The following PSIP1 variants were observed in gnomAD, a reference collection of about 807,000 sequenced individuals.
PSIP1 encodes PC4 and SFRS1-interacting protein.
In PSIP1, 19 loss-of-function variants were observed where a neutral mutation model predicts 74.7. The ratio of observed to expected loss-of-function variants is 0.25; its 90% CI spans 0.18 to 0.37. The LOEUF (loss-of-function observed/expected upper bound fraction) is 0.37. PSIP1 is among the 10% of genes least tolerant of loss of function. The pLI, the probability that PSIP1 is intolerant of heterozygous loss-of-function variation, is 1.00. For missense variants in PSIP1, 601 were observed against 614.3 expected (o/e 0.98, Z 0.23); for synonymous variants, 222 against 195.3 (o/e 1.14, Z -1.14).
At chr9:15,471,395 A>G in intron 10 of PSIP1, 6 of 1,511,906 alleles carry the variant, frequency 4.0e-6, no homozygotes, top group Non-Finnish European at 5.4e-6. Context: ...ATTGGAGGAC[A>G]TTCAAAAGAA....
chr9:15,477,740 G>C (rs1309535866), intron 8 of PSIP1, among the ~76,000 whole-genome samples: 1 of 151,804 alleles, frequency 6.6e-6, no homozygotes, highest in South Asian at 2.1e-4. Flanking sequence ...ACAATTTCCT[G>C]GATAACTGAA....
At chr9:15,507,650 A>C (rs2037657656) in intron 2 of PSIP1, among the ~76,000 whole-genome samples, 2 of 151,318 alleles carry the variant, frequency 1.3e-5, no homozygotes, top group African/African-American at 4.9e-5. Context: ...AAAAAAACAA[A>C]AAAAAAGAAT....
rs371759432 is a variant in PSIP1, at chr9:15,468,675, G to C, written c.1375C>G (p.Gln459Glu). Residue 459 changes from glutamine (Q) to glutamate (E), a missense_variant, in exon 14 of 16, where the codon CAA (glutamine) becomes GAA (glutamate). Physicochemically the swap from Gln to Glu is conservative, Grantham distance 29 (BLOSUM62 2). This residue lies in a region of PSIP1 where 538 missense variants were observed against 507.6 expected (regional missense o/e 1.06). Coordinates refer to ENST00000380733, the MANE Select transcript of PSIP1 (RefSeq NM_033222.5). The part of the protein sequence containing the change: ...QHEEANKTKD[Q>E]GKKGPNKKLE... ...TTTTTGTTTGGCCCTTTCTTCCCTT[G>C]ATCTTTGGTTTTATTCGCTTCCTCA... is the stretch of plus-strand genomic sequence containing the variant. The C allele has an allele frequency of 3.2e-5, 52 of 1,613,892 alleles. No individual in the cohort carries two copies. The highest frequency in any genetic ancestry group is 4.2e-5 in the Non-Finnish European group (49 of 1,179,994).
chr9:15,473,533 TAAAC>T (rs1228461649), intron 9 of PSIP1, among the ~76,000 whole-genome samples: 1 of 152,108 alleles, frequency 6.6e-6, no homozygotes, highest in South Asian at 2.1e-4. Context: ...TTCAAAAAGG[TAAAC>T]AAATTCATTT....
intron 3 of PSIP1, among the ~76,000 whole-genome samples, chr9:15,493,887 G>C (rs2036951822): frequency 1.3e-5 from 2 of 152,130 alleles, no homozygotes; most frequent in Non-Finnish European, 1.5e-5. Context: ...TGGGGACACA[G>C]AGCCAAACCA....
chr9:15,501,439 A>G (rs2037339045), intron 3 of PSIP1, among the ~76,000 whole-genome samples: 1 of 152,094 alleles, frequency 6.6e-6, no homozygotes. Flanking sequence ...GAAAATAAAC[A>G]CGAGGAGGAG....
intron 15 of PSIP1, among the ~76,000 whole-genome samples, chr9:15,466,190 C>T (rs2035613030): frequency 6.6e-6 from 1 of 152,172 alleles, no homozygotes; most frequent in Non-Finnish European, 1.5e-5. Flanking sequence ...CCGGGCTGGC[C>T]AACATGGTGA....
At chr9:15,482,421 C>T (rs957482593) in intron 6 of PSIP1, among the ~76,000 whole-genome samples, 2 of 152,178 alleles carry the variant, frequency 1.3e-5, no homozygotes, top group African/African-American at 2.4e-5. Flanking sequence ...TTCTTCCCGA[C>T]TTGTACCACA....
At chr9:15,500,959 CTT>C (rs1231643540) in intron 3 of PSIP1, among the ~76,000 whole-genome samples, 1 of 152,144 alleles carries the variant, frequency 6.6e-6, no homozygotes, top group Non-Finnish European at 1.5e-5. Context: ...CCCCACAACT[CTT>C]GTTCCCAAAA....
At chr9:15,487,005 ATT>A in intron 4 of PSIP1, 74 bp from the exon 5 acceptor site, 8 of 869,210 alleles carry the variant, frequency 9.2e-6, no homozygotes, top group South Asian at 2.1e-5. Context: ...CTTTATTTTT[ATT>A]TTTTTTTTAG....
intron 8 of PSIP1, 141 bp downstream of exon 8, chr9:15,478,334 CCA>C (rs990700707): frequency 7.4e-6 from 5 of 675,570 alleles, no homozygotes; most frequent in African/African-American, 1.8e-5. Context: ...CAAAATTTTC[CCA>C]GTTTTTCCTG....
intron 3 of PSIP1, among the ~76,000 whole-genome samples, chr9:15,496,411 CTT>C (rs1179200168): frequency 2.6e-5 from 4 of 152,168 alleles, no homozygotes; most frequent in Non-Finnish European, 4.4e-5. Flanking sequence ...ATTGCTTGCT[CTT>C]GTTTTGTTTG....
At chr9:15,500,514 T>C (rs538652127) in intron 3 of PSIP1, among the ~76,000 whole-genome samples, 1 of 152,054 alleles carries the variant, frequency 6.6e-6, no homozygotes, top group East Asian at 1.9e-4. Flanking sequence ...CATTATTTGG[T>C]GTAAAATTTA....
Position 15,466,826 on chromosome 9 carries a change from T to C in PSIP1, c.1454A>G (p.Gln485Arg). The change falls in exon 15 of 16, where the codon CAA becomes CGA. Residue 485 changes from glutamine (Q) to arginine (R), a missense_variant. Around this residue, in one of 2 missense-constraint regions of PSIP1, gnomAD observed 538 missense variants for 507.6 expected, o/e 1.06. Transcript: ENST00000380733. ...GTTATGTTGTGGCTGATTACCATCTTGAGCATCAGATCCTCCATTTAGAGT... is the reference window on the plus strand; with the variant it reads ...GTTATGTTGTGGCTGATTACCATCTCGAGCATCAGATCCTCCATTTAGAGT... ...SKTLNGGSDA[Q>R]DGNQPQHNGE... is the part of the protein sequence containing the mutation. 6.2e-7 allele frequency: 1 copy of C among 1,613,396 alleles called. No individual in the cohort carries two copies. Among genetic ancestry groups the C allele is most frequent in the Non-Finnish European group, 8.5e-7 (1 of 1,179,748 alleles).
At chr9:15,479,480 A>G in intron 7 of PSIP1, 111 bp downstream of exon 7, 1 of 694,558 alleles carries the variant, frequency 1.4e-6, no homozygotes, top group Non-Finnish European at 2.4e-6. Flanking sequence ...TATGTTACAC[A>G]TAATCAATTG....
intron 3 of PSIP1, 126 bp downstream of exon 3, chr9:15,506,435 T>C (rs1318547940): frequency 1.6e-6 from 1 of 627,564 alleles, no homozygotes; most frequent in Non-Finnish European, 2.7e-6. Flanking sequence ...ACTTAAAGAC[T>C]CTTTCCAAAG....
intron 3 of PSIP1, chr9:15,492,106 C>T (rs1337158472): frequency 1.3e-5 from 2 of 152,262 alleles, no homozygotes; most frequent in Non-Finnish European, 2.9e-5. Flanking sequence ...CATTTCAAAA[C>T]ACAACCATGC....
rs1024375058 is a variant in PSIP1 at position 15,510,219 on chromosome 9, C to G, written c.-31G>C. ...GGGGGCGAGACCGGGGGTCCGAAGC[C>G]CGGGAGGCGGCGAGGAGATGCGGCG... On this transcript the variant is annotated 5_prime_UTR_variant, in exon 2 of 16. Coordinates refer to ENST00000380733, the MANE Select transcript of PSIP1 (RefSeq NM_033222.5). 3.8e-6 allele frequency: 6 copies of G among 1,590,310 alleles called. No individual in the cohort carries two copies. The highest frequency in any genetic ancestry group is 5.1e-6 in the Non-Finnish European group (6 of 1,169,134).
At chr9:15,483,086 G>A (rs2036406876) in intron 6 of PSIP1, among the ~76,000 whole-genome samples, 1 of 151,996 alleles carries the variant, frequency 6.6e-6, no homozygotes, top group African/African-American at 2.4e-5. Flanking sequence ...ATTCCTTCAG[G>A]ATTCTGGTTT....
Sources: gnomAD v4.1 joint callset for allele counts (sites outside exome capture counted in the v4.1 genomes callset) on GRCh38, gnomAD v4.1.1 for gene constraint, gnomAD v4.1.1 regional missense constraint, MANE v1.5 for transcripts, NCBI Gene and HGNC (gene_info 2026-07-23, HGNC 2026-07-21) for gene names.